Variants in STK3 observed in about 807,000 individuals in gnomAD.
STK3 encodes serine/threonine kinase 3.
STK3 carries 41 observed loss-of-function variants against 58.0 expected under a neutral mutation model. The observed-to-expected ratio is 0.71, with a 90% CI of 0.55 to 0.92. STK3 has a LOEUF of 0.92. Ranked by LOEUF, STK3 falls within the 40% of genes least tolerant of loss-of-function variation. The pLI is 0.00. For missense variants in STK3, 479 were observed against 602.7 expected (o/e 0.79, Z 2.15); for synonymous variants, 170 against 191.0 (o/e 0.89, Z 0.91).
intron 2 of STK3, among the ~76,000 whole-genome samples, chr8:98,371,897 G>C (rs771912785): frequency 6.6e-6 from 1 of 152,146 alleles, no homozygotes; most frequent in Admixed American, 6.5e-5. Flanking sequence ...TGAACCCCTA[G>C]TACCAGTGGA....
intron 1 of STK3, among the ~76,000 whole-genome samples, chr8:98,819,393 G>C (rs1834750345): frequency 6.6e-6 from 1 of 152,118 alleles, no homozygotes; most frequent in South Asian, 2.1e-4. Flanking sequence ...ACAGAAGTTT[G>C]TTTACCGGAA....
intron 8 of STK3, among the ~76,000 whole-genome samples, chr8:98,561,927 T>A (rs1563741696): frequency 6.6e-6 from 1 of 152,130 alleles, no homozygotes; most frequent in Non-Finnish European, 1.5e-5. Flanking sequence ...GACATCTTCA[T>A]CACTAAGGAA....
chr8:98,725,469 C>G (rs1330716043), intron 4 of STK3, among the ~76,000 whole-genome samples: 1 of 152,078 alleles, frequency 6.6e-6, no homozygotes, highest in African/African-American at 2.4e-5. Context: ...TAAAAGTACA[C>G]TCTAGTTAAA....
rs570670467 is a variant in STK3 at position 98,833,583 on chromosome 8, T to C, written c.110+50064A>G. ...TATTTGGGGGTAAAAATACTTTGAT[T>C]TCCTTTAGGGCCTGTTATTTGTCAT... On this transcript the variant is annotated intron_variant, in intron 3 of 12. Coordinates refer to the STK3 transcript ENST00000523601. Among the ~76,000 whole-genome samples the C allele has an allele frequency of 7.2e-4, 109 of 152,308 alleles. 2 individuals are homozygous for C. Among genetic ancestry groups the C allele is most frequent in the African/African-American group, 2.5e-3 (103 of 41,570 alleles).
At chr8:98,823,175 T>G (rs1263444780) in intron 1 of STK3, among the ~76,000 whole-genome samples, 3 of 152,066 alleles carry the variant, frequency 2.0e-5, no homozygotes, top group African/African-American at 7.2e-5. Context: ...TTTGATAGGC[T>G]ATAGTGACAA....
intron 6 of STK3, among the ~76,000 whole-genome samples, chr8:98,652,290 T>G (rs1324365710): frequency 1.3e-5 from 2 of 151,998 alleles, no homozygotes; most frequent in Admixed American, 6.5e-5. Context: ...CTGAGAGATT[T>G]TGTCACCACC....
intron 6 of STK3, among the ~76,000 whole-genome samples, chr8:98,654,306 A>G (rs541553567): frequency 1.2e-4 from 19 of 152,356 alleles, no homozygotes; most frequent in Middle Eastern, 6.8e-3. Flanking sequence ...AAAACTCTCA[A>G]TAAGTTAGGT....
chr8:98,692,177 T>A (rs1432465617), intron 6 of STK3, among the ~76,000 whole-genome samples: 1 of 152,022 alleles, frequency 6.6e-6, no homozygotes, highest in Non-Finnish European at 1.5e-5. Flanking sequence ...ACATTGGTGG[T>A]AGGAATGTAA....
At chr8:98,650,655 C>G (rs1044734912) in intron 6 of STK3, among the ~76,000 whole-genome samples, 4 of 152,190 alleles carry the variant, frequency 2.6e-5, no homozygotes, top group Non-Finnish European at 4.4e-5. Context: ...GCTTTTCCGA[C>G]GGGCTTAAAA....
At chr8:98,807,211 G>A (rs1240865507) in intron 1 of STK3, among the ~76,000 whole-genome samples, 1 of 151,008 alleles carries the variant, frequency 6.6e-6, no homozygotes, top group Non-Finnish European at 1.5e-5. Flanking sequence ...TGAACATAAT[G>A]CCTTTAAGGA....
chr8:98,531,726 CA>C (rs777772917), intron 9 of STK3, among the ~76,000 whole-genome samples: 2 of 152,166 alleles, frequency 1.3e-5, no homozygotes, highest in African/African-American at 2.4e-5. Context: ...TTAGGGTAGC[CA>C]CCTTCATCAA....
chr8:98,850,895 T>TCCAAGAGATTACTGCAGCCACAA (rs1354694207), intron 3 of STK3, among the ~76,000 whole-genome samples: 15 of 152,218 alleles, frequency 9.9e-5, no homozygotes, highest in African/African-American at 3.6e-4. Context: ...AAGAAGATTG[T>TCCAAGAGATTACTGCAGCCACAA]CCAAGAGATT....
upstream of STK3, among the ~76,000 whole-genome samples, chr8:98,390,602 T>C (rs1817839308): frequency 6.6e-6 from 1 of 152,164 alleles, no homozygotes; most frequent in Non-Finnish European, 1.5e-5. Flanking sequence ...CATTATTTCT[T>C]CAAGTTTTTT....
rs113238704 is a variant in STK3, at chr8:98,524,756, C to T, written c.1317+1986G>A. Among the ~76,000 whole-genome samples the T allele has an allele frequency of 8.6e-3, 1,316 of 152,304 alleles. 8 individuals carry two copies. The highest frequency in any genetic ancestry group is 0.015 in the Non-Finnish European group (1,006 of 68,032). ...CCTAGCCAATAGTTAGCACAATTGC[C>T]AACACATTTGGGAAGTAATTTTAGA... On this transcript the variant is annotated intron_variant, in intron 10 of 10. Coordinates refer to ENST00000419617, the MANE Select transcript of STK3 (RefSeq NM_006281.4).
intron 1 of STK3, among the ~76,000 whole-genome samples, chr8:98,443,792 G>C (rs1350514794): frequency 6.9e-6 from 1 of 145,072 alleles, no homozygotes; most frequent in Non-Finnish European, 1.5e-5. Context: ...AGATTGCAAT[G>C]AGCCGAGATC....
chr8:98,645,722 A>T (rs1261759744), intron 6 of STK3, among the ~76,000 whole-genome samples: 2 of 152,162 alleles, frequency 1.3e-5, no homozygotes, highest in African/African-American at 2.4e-5. Context: ...GAGTAAATAC[A>T]ACTTGAAGAA....
chr8:98,556,991 G>A (rs1418806861), intron 8 of STK3, among the ~76,000 whole-genome samples: 1 of 152,044 alleles, frequency 6.6e-6, no homozygotes, highest in Non-Finnish European at 1.5e-5. Context: ...GGTAACACCA[G>A]TTATTTGTAA....
intron 1 of STK3, among the ~76,000 whole-genome samples, chr8:98,383,510 C>T (rs560529594): frequency 3.5e-4 from 54 of 152,304 alleles, no homozygotes; most frequent in South Asian, 8.3e-4. Flanking sequence ...ACTGGCTCAC[C>T]GTGGCCAAAT....
At chr8:98,585,381 G>C (rs1465803399) in intron 7 of STK3, among the ~76,000 whole-genome samples, 2 of 151,924 alleles carry the variant, frequency 1.3e-5, no homozygotes. Context: ...GTTTTTCTCA[G>C]GTTTGTCAAA....
Sources: gnomAD v4.1 joint callset for allele counts (sites outside exome capture counted in the v4.1 genomes callset) on GRCh38, gnomAD v4.1.1 for gene constraint, MANE v1.5 for transcripts, NCBI Gene and HGNC (gene_info 2026-07-23, HGNC 2026-07-21) for gene names.